Variants in TAF1C observed in about 807,000 individuals in gnomAD.
TAF1C encodes the protein TATA box-binding protein-associated factor RNA polymerase I subunit C.
In TAF1C, 79 loss-of-function variants were observed where a neutral mutation model predicts 70.5. The observed-to-expected ratio is 1.12, with a 90% CI of 0.93 to 1.35. The LOEUF (loss-of-function observed/expected upper bound fraction) is 1.35, where lower values mean the gene tolerates loss of function less well. Among genes scored for constraint, TAF1C ranks in the 40% most tolerant of loss-of-function variants. TAF1C has a pLI of 0.00. For synonymous variants in TAF1C, 614 were observed against 491.1 expected (o/e 1.25, Z -3.31); for missense variants, 1,412 against 1,127.8 (o/e 1.25, Z -3.61).
chr16:84,178,319 C>G lies in TAF1C; in HGVS notation c.*622G>C. 2.2e-6 allele frequency: 1 copy of G among 456,996 alleles called. No homozygotes were observed. Among genetic ancestry groups the G allele is most frequent in the Non-Finnish European group, 4.4e-6 (1 of 227,142 alleles). 28.3% of individuals were successfully genotyped at this position (456,996 alleles called of 1,614,324 possible). Reference sequence around the variant, plus strand: ...CAGCCATCATCTCTCTGCATGAGCTCAGTGTCAGGTAGTAGCTGTGGCGGG... The same window carrying G: ...CAGCCATCATCTCTCTGCATGAGCTGAGTGTCAGGTAGTAGCTGTGGCGGG... On this transcript the variant is annotated 3_prime_UTR_variant, in exon 15 of 15. Coordinates refer to ENST00000566732, the MANE Select transcript of TAF1C (RefSeq NM_001243156.2).
At position 84,177,997 on chromosome 16, in the gene TAF1C, A is replaced by G. The variant is rs1368883220; in HGVS notation, c.*944T>C. 4 of 701,770 alleles carry G rather than the reference A, an allele frequency of 5.7e-6. No individual in the cohort carries two copies. Among genetic ancestry groups the G allele is most frequent in the African/African-American group, 5.3e-5 (3 of 56,910 alleles). The allele number at this position is 701,770 out of a possible 1,614,324, so 43.5% of individuals were successfully genotyped here. On this transcript the variant is annotated 3_prime_UTR_variant, in exon 15 of 15. Coordinates refer to ENST00000566732, the MANE Select transcript of TAF1C (RefSeq NM_001243156.2). ...TCCTTTCACCAGCCAACCTGAAAAA[A>G]GACCTTTCTCTTACTATGTCATCAG... is the stretch of plus-strand genomic sequence containing the variant.
At chr16:84,184,602 G>A (rs2089382674) in intron 2 of TAF1C, among the ~76,000 whole-genome samples, 1 of 152,240 alleles carries the variant, frequency 6.6e-6, no homozygotes, top group Non-Finnish European at 1.5e-5. Context: ...GTTCCAGGAA[G>A]GGAGGGGTCA....
rs930724585 is a variant in TAF1C at position 84,177,894 on chromosome 16, G to C, written c.*1047C>G. 2.0e-6 allele frequency: 3 copies of C among 1,470,852 alleles called. No homozygotes were observed. The African/African-American group carries it at 4.2e-5, about 20-fold the overall frequency. The allele number at this position is 1,470,852 out of a possible 1,614,324, so 91.1% of individuals were successfully genotyped here. ...GGTTTAATCATAAATGTCTCCCTTA[G>C]GCATGATAAACATTTTAACACCCAC... On this transcript the variant is annotated 3_prime_UTR_variant, in exon 15 of 15. Transcript: ENST00000566732.
Position 84,179,306 on chromosome 16 carries a change from G to A in TAF1C, c.2167C>T (p.Arg723Trp), listed in dbSNP as rs377368073. 6.9e-5 allele frequency: 110 copies of A among 1,597,534 alleles called. No homozygotes were observed. The highest frequency in any genetic ancestry group is 1.8e-4 in the East Asian group (8 of 44,604). ...GACAGCTGGGTCCGGCGCTTGGGCCGCCTGGTCTGTCTCCCGGGCTCCGAG... is the reference window on the plus strand; with the variant it reads ...GACAGCTGGGTCCGGCGCTTGGGCCACCTGGTCTGTCTCCCGGGCTCCGAG... Reference protein sequence around the residue: ...RTSEPGRQTRRPKRRTQLSSS... With the variant: ...RTSEPGRQTRWPKRRTQLSSS... The change falls in exon 15 of 15, where the codon CGG (arginine) becomes TGG (tryptophan). Residue 723 changes from arginine to tryptophan, a missense_variant. Physicochemically the swap from Arg to Trp is moderately radical, Grantham distance 101. Transcript: ENST00000566732.
rs775914696 is a variant in TAF1C at position 84,181,785 on chromosome 16, G to A, written c.917C>T (p.Ala306Val). The change falls in exon 9 of 15, where the codon GCA becomes GTA. Residue 306 changes from alanine (A) to valine (V), a missense_variant. Transcript: ENST00000566732. ...CGTGGCCCCTTTCTCCACCTGCATT[G>A]CCTGCAGAAGGGTTGGCTGCCACTG... ...GKQWQPTLLQAMQVEKGATGI... is the reference protein window; with the variant it reads ...GKQWQPTLLQVMQVEKGATGI... The A allele has an allele frequency of 6.8e-6, 11 of 1,614,082 alleles. No individual in the cohort carries two copies. The highest frequency in any genetic ancestry group is 6.7e-5 in the Admixed American group (4 of 60,012).
chr16:84,181,231 G>C (rs2303234), intron 11 of TAF1C, 45 bp from the exon 12 acceptor site: 809,126 of 1,591,824 alleles, frequency 0.51, 206,356 homozygotes, highest in Admixed American at 0.58. Context: ...GTCCCAGGCC[G>C]GTGACGCTGT....
At chr16:84,186,718 G>T (rs1224109991) in intron 1 of TAF1C, among the ~76,000 whole-genome samples, 183 bp downstream of exon 1, 1 of 152,218 alleles carries the variant, frequency 6.6e-6, no homozygotes, top group Non-Finnish European at 1.5e-5. Flanking sequence ...GGCTCTCCAG[G>T]ACCCTTTAGA....
chr16:84,184,152 G>A (rs1444872920), intron 2 of TAF1C, among the ~76,000 whole-genome samples: 3 of 152,178 alleles, frequency 2.0e-5, no homozygotes, highest in South Asian at 2.1e-4. Context: ...CCCGGCAGGC[G>A]GCTCCACCTC....
In TAF1C at chr16:84,179,569, C is replaced by T. The variant is rs1405721156; in HGVS notation, c.1904G>A (p.Arg635His). 7 of 1,612,428 alleles carry T rather than the reference C, an allele frequency of 4.3e-6. No homozygotes were observed. Among genetic ancestry groups the T allele is most frequent in the East Asian group, 2.2e-5 (1 of 44,872 alleles). ...CAGCTCTGTGCTGCCCAGCATCTGG[C>T]GGTGGGTGAAGGTGGGTGCTGTCCA... ...PVWTAPTFTH[R>H]QMLGSTELRR... Residue 635 changes from arginine to histidine, a missense_variant, in exon 15 of 15, where the codon CGC (arginine) becomes CAC (histidine). By Grantham distance (29) the Arg-to-His change is conservative. Transcript: ENST00000566732.
rs1366627442 is a variant in TAF1C, at chr16:84,182,596, A to G, written c.483-156T>C. Reference sequence around the variant, plus strand: ...CATCCTGTTCCCATGCCCCGGAAGCAATCATGTGACCCAGACCTGGCCACC... The same window carrying G: ...CATCCTGTTCCCATGCCCCGGAAGCGATCATGTGACCCAGACCTGGCCACC... On this transcript the variant is annotated intron_variant, in intron 6 of 14. Transcript: ENST00000566732. This position sits in a 1 kb window ranked among gnomAD's most constrained non-coding sequence, Gnocchi z 5.0. Among the ~76,000 whole-genome samples the G allele has an allele frequency of 2.0e-5, 3 of 152,200 alleles. No homozygotes were observed. Among genetic ancestry groups the G allele is most frequent in the African/African-American group, 7.2e-5 (3 of 41,448 alleles).
At position 84,178,622 on chromosome 16, in the gene TAF1C, C is replaced by A; in HGVS notation, c.*319G>T. On this transcript the variant is annotated 3_prime_UTR_variant, in exon 15 of 15. Coordinates refer to ENST00000566732, the MANE Select transcript of TAF1C (RefSeq NM_001243156.2). ...AAGGCGTGAGAACTGAGGGACCTGC[C>A]TGAGGCCCCCACAGCTGAGGCGCAG... The A allele has an allele frequency of 2.3e-6, 1 of 442,880 alleles. No individual in the cohort carries two copies. Among genetic ancestry groups the A allele is most frequent in the East Asian group, 4.9e-5 (1 of 20,426 alleles). The allele number at this position is 442,880 out of a possible 1,614,324, so 27.4% of individuals were successfully genotyped here.
chr16:84,180,622 T>C (rs2089110372), intron 12 of TAF1C: 1 of 598,032 alleles, frequency 1.7e-6, no homozygotes, highest in Non-Finnish European at 2.7e-6. Context: ...GAAACCTGCC[T>C]GGCCTTCTCG....
At position 84,182,510 on chromosome 16, in the gene TAF1C, G is replaced by T. The variant is rs2089262710; in HGVS notation, c.483-70C>A. On this transcript the variant is annotated intron_variant, in intron 6 of 14. Coordinates refer to ENST00000566732, the MANE Select transcript of TAF1C (RefSeq NM_001243156.2). The surrounding 1 kb of genome is among the most constrained non-coding windows in gnomAD (Gnocchi z 5.0). ...GGGAGGACAGGTCCCATCCCAAGGA[G>T]GCCAAGTGCAGTGGACACATTTCTT... 6 of 1,414,868 alleles carry T rather than the reference G, an allele frequency of 4.2e-6. No individual in the cohort carries two copies. In the Admixed American group the frequency reaches 1.1e-4, roughly 25 times the overall value. The allele number at this position is 1,414,868 out of a possible 1,614,324, so 87.6% of individuals were successfully genotyped here. A position where few individuals can be genotyped will look rare whatever the true frequency, so the allele number is the denominator to read the frequency against.
In TAF1C at chr16:84,178,274, T is replaced by C. The variant is rs1300254755; in HGVS notation, c.*667A>G. On this transcript the variant is annotated 3_prime_UTR_variant, in exon 15 of 15. Coordinates refer to ENST00000566732, the MANE Select transcript of TAF1C (RefSeq NM_001243156.2). ...ACAGCCCACAGGTGCCAGACCCATG[T>C]CCCAAGGGAGAAGGAACATCAGCCA... is the stretch of plus-strand genomic sequence containing the variant. The C allele has an allele frequency of 6.6e-6, 3 of 453,124 alleles. No individual in the cohort carries two copies. The highest frequency in any genetic ancestry group is 8.9e-6 in the Non-Finnish European group (2 of 225,018). 28.1% of individuals were successfully genotyped at this position (453,124 alleles called of 1,614,324 possible).
In TAF1C at chr16:84,178,947, G is replaced by C. The variant is rs1172452373; in HGVS notation, c.2526C>G (p.Gly842=). The change falls in exon 15 of 15, where the codon GGC becomes GGG. Residue 842 remains glycine (G), a synonymous_variant. Coordinates refer to ENST00000566732, the MANE Select transcript of TAF1C (RefSeq NM_001243156.2). ...GGCAGCCCACCTTGTGTCCTCAGAA[G>C]CCCATTCGAGGCTTCTTCCGGAGGG... ...SQPLRKKPRM[G]F is the part of the protein sequence containing the mutation. The C allele has an allele frequency of 1.2e-6, 2 of 1,601,400 alleles. No individual in the cohort carries two copies. Among genetic ancestry groups the C allele is most frequent in the Non-Finnish European group, 1.7e-6 (2 of 1,175,392 alleles).
rs370613287 is a variant in TAF1C, at chr16:84,181,736, C to T, written c.956+10G>A. 13 of 1,613,196 alleles carry T rather than the reference C, an allele frequency of 8.1e-6. No homozygotes were observed. The highest frequency in any genetic ancestry group is 5.5e-5 in the South Asian group (5 of 91,048). ...AGCCCCTCCTCACCGACCAACCTGA[C>T]CCCCCTCACCTGAGGCTGATCCCCG... On this transcript the variant is annotated intron_variant, in intron 9 of 14. Transcript: ENST00000566732.
Position 84,180,217 on chromosome 16 carries a change from A to AGGGGCTGCACGCAGCTGGGCC in TAF1C, c.1415_1435dup (p.Arg472_Pro478dup), listed in dbSNP as rs758248517. ...CTGCCCACCCTGGCCTCCGAGGAGCAGGGGCTGCACGCAGCTGGGCCGGGG... is the reference window on the plus strand; with the variant it reads ...CTGCCCACCCTGGCCTCCGAGGAGCAGGGGCTGCACGCAGCTGGGCCGGGGCTGCACGCAGCTGGGCCGGGG... On this transcript the variant is annotated inframe_insertion, in exon 13 of 15. Coordinates refer to ENST00000566732, the MANE Select transcript of TAF1C (RefSeq NM_001243156.2). 1.0e-5 allele frequency: 16 copies of AGGGGCTGCACGCAGCTGGGCC among 1,539,164 alleles called. No homozygotes were observed. The South Asian group carries it at 1.9e-4, about 19-fold the overall frequency.
At chr16:84,183,617 G>C in intron 3 of TAF1C, 80 bp downstream of exon 3, 1 of 1,547,004 alleles carries the variant, frequency 6.5e-7, no homozygotes, top group Non-Finnish European at 8.9e-7. Context: ...TTAGCAGGGA[G>C]AGGAAGGTCT....
At position 84,179,104 on chromosome 16, in the gene TAF1C, C is replaced by G. The variant is rs4150176; in HGVS notation, c.2369G>C (p.Arg790Pro). The G allele has an allele frequency of 1.1e-5, 17 of 1,609,288 alleles. No individual in the cohort carries two copies. In the South Asian group the frequency reaches 1.6e-4, roughly 16 times the overall value. ...GVPSEQRQML[R>P]DYMAKLPPQR... is the part of the protein sequence containing the mutation. ...GGGTGGTAGCTTGGCCATGTAGTCACGGAGCATCTGCCGCTGCTCTGATGG... is the reference window on the plus strand; with the variant it reads ...GGGTGGTAGCTTGGCCATGTAGTCAGGGAGCATCTGCCGCTGCTCTGATGG... Residue 790 changes from arginine (R) to proline (P), a missense_variant, in exon 15 of 15, where the codon CGT becomes CCT. Arg to Pro is a moderately radical substitution (Grantham distance 103). Coordinates refer to ENST00000566732, the MANE Select transcript of TAF1C (RefSeq NM_001243156.2).
Sources: allele counts gnomAD v4.1 joint callset (sites outside exome capture counted in the v4.1 genomes callset), GRCh38; gene constraint gnomAD v4.1.1; non-coding constraint Gnocchi (gnomAD v3.1); transcripts MANE v1.5; gene names NCBI Gene and HGNC (gene_info 2026-07-23, HGNC 2026-07-21).